The following IQSEC3 variants were observed in gnomAD, a reference collection of about 807,000 sequenced individuals.
IQSEC3 encodes IQ motif and SEC7 domain-containing protein 3.
A neutral mutation model predicts 105.4 loss-of-function variants in IQSEC3; 50 were observed. The observed-to-expected ratio is 0.47, with a 90% CI of 0.38 to 0.60. The LOEUF (loss-of-function observed/expected upper bound fraction) is 0.60. Among genes scored for constraint, IQSEC3 ranks in the 20% least tolerant of loss-of-function variants. IQSEC3 has a pLI of 0.00. For missense variants in IQSEC3, 1,415 were observed against 1,630.0 expected (o/e 0.87, Z 2.27); for synonymous variants, 708 against 746.0 (o/e 0.95, Z 0.83).
intron 5 of IQSEC3, chr12:144,172 C>G (rs1298812611): frequency 6.6e-6 from 1 of 152,216 alleles, no homozygotes; most frequent in Non-Finnish European, 1.5e-5. Flanking sequence ...GGGCCCTGTC[C>G]TGCAAAGGGC....
At position 80,208 on chromosome 12, in the gene IQSEC3, T is replaced by C. The variant is rs145939187; in HGVS notation, c.554+12772T>C. ...GTGCTGCTGCAGCCTCCTGCAGACATGGGTCAGTTGCAGCAGAAATACGAT... is the reference window on the plus strand; with the variant it reads ...GTGCTGCTGCAGCCTCCTGCAGACACGGGTCAGTTGCAGCAGAAATACGAT... On this transcript the variant is annotated intron_variant, in intron 1 of 13. Transcript: ENST00000538872. 3.0e-4 allele frequency among the ~76,000 whole-genome samples: 46 copies of C among 152,356 alleles called. 1 individual carries two copies. The highest frequency in any genetic ancestry group is 9.2e-4 in the Admixed American group (14 of 15,298).
chr12:112,085 T>C (rs1468788561), intron 2 of IQSEC3, among the ~76,000 whole-genome samples: 1 of 151,976 alleles, frequency 6.6e-6, no homozygotes, highest in Non-Finnish European at 1.5e-5. Flanking sequence ...CTGTAGGTGG[T>C]TTTTTAGGGT....
chr12:150,251 G>C (rs1866453397), intron 5 of IQSEC3, among the ~76,000 whole-genome samples: 2 of 152,186 alleles, frequency 1.3e-5, no homozygotes, highest in African/African-American at 4.8e-5. Flanking sequence ...CAGGCCCCCT[G>C]TGTTGGTACT....
chr12:138,781 T>G lies in IQSEC3; in HGVS notation c.1418T>G (p.Leu473Arg), dbSNP rs782255760. The change falls in exon 4 of 14, where the codon CTG becomes CGG. Residue 473 changes from leucine (L) to arginine (R), a missense_variant. Leu to Arg is a moderately radical substitution (Grantham distance 102). Transcript: ENST00000538872. The surrounding 1 kb of genome is among the most constrained non-coding windows in gnomAD (Gnocchi z 7.1). ...PGDDAAETPG[L>R]PPAHSGTLMM... ...GATGACGCCGCGGAGACCCCCGGCCTGCCCCCGGCCCACAGCGGGACCCTC... is the reference window on the plus strand; with the variant it reads ...GATGACGCCGCGGAGACCCCCGGCCGGCCCCCGGCCCACAGCGGGACCCTC... The G allele has an allele frequency of 2.5e-6, 4 of 1,598,298 alleles. No homozygotes were observed. The South Asian group carries it at 4.5e-5, about 18-fold the overall frequency.
chr12:158,981 A>G (rs1366140075), intron 7 of IQSEC3, among the ~76,000 whole-genome samples: 5 of 152,144 alleles, frequency 3.3e-5, no homozygotes, highest in Non-Finnish European at 7.3e-5. Context: ...TTTTATTTTA[A>G]GCATGATCTA....
At chr12:102,600 C>A (rs568966220) in intron 2 of IQSEC3, among the ~76,000 whole-genome samples, 12 of 152,304 alleles carry the variant, frequency 7.9e-5, no homozygotes, top group Admixed American at 5.2e-4. Context: ...CAGAGCCTCA[C>A]CCCTCCCGAA....
chr12:110,676 GA>G (rs1864851825), intron 2 of IQSEC3, among the ~76,000 whole-genome samples: 1 of 152,074 alleles, frequency 6.6e-6, no homozygotes, highest in African/African-American at 2.4e-5. Flanking sequence ...GAATATTTAT[GA>G]TTGACATTAT....
chr12:74,248 A>T (rs1314357418), intron 1 of IQSEC3, among the ~76,000 whole-genome samples: 3 of 152,276 alleles, frequency 2.0e-5, no homozygotes, highest in Non-Finnish European at 4.4e-5. Flanking sequence ...ACTTTTCAGA[A>T]CTCTGAGGTC....
In IQSEC3 at chr12:157,034, G is replaced by T; in HGVS notation, c.2163G>T (p.Val721=). 1 of 1,602,634 alleles carries T rather than the reference G, an allele frequency of 6.2e-7. No homozygotes were observed. The change falls in exon 6 of 14, where the codon GTG becomes GTT. Residue 721 remains valine (V), a synonymous_variant. Coordinates refer to ENST00000538872, the MANE Select transcript of IQSEC3 (RefSeq NM_001170738.2). ...QFNRDVLDCV[V]DEMDFSSMEL... ...CCCTGCCTGCCCTCAGCTGCGTGGTGGACGAGATGGACTTCTCCAGCATGG... is the reference window on the plus strand; with the variant it reads ...CCCTGCCTGCCCTCAGCTGCGTGGTTGACGAGATGGACTTCTCCAGCATGG...
intron 2 of IQSEC3, among the ~76,000 whole-genome samples, chr12:124,139 C>T (rs753862196): frequency 4.3e-4 from 66 of 152,016 alleles, no homozygotes; most frequent in Non-Finnish European, 6.9e-4. Context: ...GTAATCCTAG[C>T]GCTTTGGGAG....
In IQSEC3 at chr12:139,319, G is replaced by A; in HGVS notation, c.1956G>A (p.Lys652=). The A allele has an allele frequency of 6.3e-7, 1 of 1,593,872 alleles. No homozygotes were observed. Among genetic ancestry groups the A allele is most frequent in the African/African-American group, 1.3e-5 (1 of 74,210 alleles). ...CGCTCTCCACCGACACCCTGCGCAAGCGGCTCTACCGCATCGGCCTCAACC... is the reference window on the plus strand; with the variant it reads ...CGCTCTCCACCGACACCCTGCGCAAACGGCTCTACCGCATCGGCCTCAACC... ...SPTLSTDTLR[K]RLYRIGLNLF... The change falls in exon 4 of 14, where the codon AAG becomes AAA. Residue 652 remains lysine (K), a synonymous_variant. Coordinates refer to ENST00000538872, the MANE Select transcript of IQSEC3 (RefSeq NM_001170738.2).
intron 6 of IQSEC3, 104 bp downstream of exon 6, chr12:157,251 TG>T: frequency 7.1e-7 from 1 of 1,410,918 alleles, no homozygotes. Context: ...GGTTGGACAT[TG>T]GGCCAGAAAC....
chr12:158,649 G>C (rs1362631699), intron 7 of IQSEC3, among the ~76,000 whole-genome samples: 2 of 152,166 alleles, frequency 1.3e-5, no homozygotes, highest in African/African-American at 4.8e-5. Flanking sequence ...TTATACTTTG[G>C]TATCTGGTCT....
chr12:114,022 A>G (rs548447489), intron 2 of IQSEC3, among the ~76,000 whole-genome samples: 2 of 152,370 alleles, frequency 1.3e-5, no homozygotes, highest in East Asian at 1.9e-4. Flanking sequence ...GTTAAATTCC[A>G]TAAGCTTTCC....
chr12:162,766 C>T (rs1239009568), intron 8 of IQSEC3, among the ~76,000 whole-genome samples: 1 of 152,162 alleles, frequency 6.6e-6, no homozygotes, highest in Admixed American at 6.5e-5. Context: ...GTTTGTCTTA[C>T]ACGCTGGAGT....
At chr12:125,123 G>A (rs1411407388) in intron 2 of IQSEC3, among the ~76,000 whole-genome samples, 1 of 141,002 alleles carries the variant, frequency 7.1e-6, no homozygotes, top group Non-Finnish European at 1.6e-5. Context: ...AGCCACCTGA[G>A]CCTGTGCCCA....
chr12:126,447 A>G (rs868990540), intron 3 of IQSEC3, among the ~76,000 whole-genome samples: 13 of 152,252 alleles, frequency 8.5e-5, no homozygotes, highest in Non-Finnish European at 1.5e-4. Context: ...TCCATTTTCC[A>G]TTCAGGAAGA....
At chr12:112,464 A>C (rs1864922278) in intron 2 of IQSEC3, among the ~76,000 whole-genome samples, 1 of 152,198 alleles carries the variant, frequency 6.6e-6, no homozygotes, top group African/African-American at 2.4e-5. Flanking sequence ...TCAAAGAGCC[A>C]GGGGAGTAAG....
chr12:132,021 G>A (rs80232337), intron 3 of IQSEC3, among the ~76,000 whole-genome samples: 142 of 152,184 alleles, frequency 9.3e-4, no homozygotes, highest in Admixed American at 1.8e-3. Context: ...AGGGAGGGAA[G>A]GATGGGTTGG....
Sources: allele counts gnomAD v4.1 joint callset (sites outside exome capture counted in the v4.1 genomes callset), GRCh38; gene constraint gnomAD v4.1.1; non-coding constraint Gnocchi (gnomAD v3.1); transcripts MANE v1.5; gene names NCBI Gene and HGNC (gene_info 2026-07-23, HGNC 2026-07-21).